Variants in TAFA1 observed in about 807,000 individuals in gnomAD.
The protein encoded by TAFA1 is TAFA chemokine like family member 1.
In TAFA1, 4 loss-of-function variants were observed where a neutral mutation model predicts 18.5. The observed-to-expected ratio is 0.22, with a 90% CI of 0.11 to 0.49. The LOEUF (loss-of-function observed/expected upper bound fraction) is 0.49. Ranked by LOEUF, TAFA1 falls within the 20% of genes least tolerant of loss-of-function variation. TAFA1 has a pLI of 0.98. For missense variants in TAFA1, 147 were observed against 169.0 expected (o/e 0.87, Z 0.72); for synonymous variants, 56 against 55.2 (o/e 1.01, Z -0.06).
At chr3:68,045,476 A>G (rs1300207830) in intron 2 of TAFA1, among the ~76,000 whole-genome samples, 1 of 152,182 alleles carries the variant, frequency 6.6e-6, no homozygotes, top group Non-Finnish European at 1.5e-5. Flanking sequence ...ATACATAGTC[A>G]GGAAATGTGG....
intron 3 of TAFA1, among the ~76,000 whole-genome samples, chr3:68,425,442 C>G (rs534136122): frequency 1.8e-3 from 270 of 152,052 alleles, no homozygotes; most frequent in African/African-American, 6.4e-3. Flanking sequence ...TTCGATTGTT[C>G]TTATTAGAAG....
At chr3:68,537,122 A>C (rs2073289274) in intron 3 of TAFA1, among the ~76,000 whole-genome samples, 1 of 152,108 alleles carries the variant, frequency 6.6e-6, no homozygotes, top group Non-Finnish European at 1.5e-5. Context: ...TGTCCCCTTC[A>C]TTGAATAGAA....
At chr3:68,513,857 A>C (rs1217123936) in intron 3 of TAFA1, among the ~76,000 whole-genome samples, 2 of 152,214 alleles carry the variant, frequency 1.3e-5, no homozygotes, top group African/African-American at 2.4e-5. Flanking sequence ...CTTTTGATCA[A>C]ACTATACAGT....
chr3:68,094,369 G>A (rs1043804476), intron 2 of TAFA1, among the ~76,000 whole-genome samples: 3 of 151,996 alleles, frequency 2.0e-5, no homozygotes, highest in African/African-American at 7.2e-5. Context: ...TAGAAGATGA[G>A]GTCCACAGGC....
intron 2 of TAFA1, among the ~76,000 whole-genome samples, chr3:68,060,038 T>C (rs1265268867): frequency 1.3e-5 from 2 of 151,878 alleles, no homozygotes; most frequent in Non-Finnish European, 2.9e-5. Context: ...CTAAAGGGGC[T>C]TGCTCCATGT....
intron 2 of TAFA1, among the ~76,000 whole-genome samples, chr3:68,338,857 C>G (rs2069023744): frequency 1.3e-5 from 2 of 152,144 alleles, no homozygotes; most frequent in South Asian, 4.1e-4. Context: ...GGTGAGTTGT[C>G]TGGAGCTTGA....
In TAFA1 at chr3:68,043,349, C is replaced by T. The variant is rs561119029; in HGVS notation, c.118+36605C>T. Among the ~76,000 whole-genome samples, 3 of 152,254 alleles carry T rather than the reference C, an allele frequency of 2.0e-5. No homozygotes were observed. The East Asian group carries it at 5.8e-4, about 29-fold the overall frequency. On this transcript the variant is annotated intron_variant, in intron 2 of 4. Transcript: ENST00000478136. ...AAAGGGACTGTTAAAATTGTCTTTG[C>T]AATAATTTATTATTTTTGTTCTTTA...
chr3:68,005,043 A>G (rs1559698514), intron 1 of TAFA1, among the ~76,000 whole-genome samples: 1 of 152,104 alleles, frequency 6.6e-6, no homozygotes, highest in Non-Finnish European at 1.5e-5. Flanking sequence ...TTTTTTTTCA[A>G]GTTTGGATGA....
At chr3:68,100,816 A>G (rs1422690074) in intron 2 of TAFA1, among the ~76,000 whole-genome samples, 1 of 152,134 alleles carries the variant, frequency 6.6e-6, no homozygotes, top group Non-Finnish European at 1.5e-5. Flanking sequence ...AGCCTAGGAA[A>G]TGATGTAGGA....
chr3:68,027,694 T>A (rs966851879), intron 2 of TAFA1, among the ~76,000 whole-genome samples: 3 of 152,188 alleles, frequency 2.0e-5, no homozygotes, highest in African/African-American at 7.2e-5. Flanking sequence ...TTTAAATTTG[T>A]CTCTGTTATT....
intron 2 of TAFA1, among the ~76,000 whole-genome samples, chr3:68,367,824 A>T (rs1319070901): frequency 6.6e-6 from 1 of 152,152 alleles, no homozygotes; most frequent in African/African-American, 2.4e-5. Flanking sequence ...GGGATATAAA[A>T]GTTCTAATAA....
intron 2 of TAFA1, among the ~76,000 whole-genome samples, chr3:68,244,492 C>T (rs1309693315): frequency 6.6e-6 from 1 of 152,086 alleles, no homozygotes; most frequent in East Asian, 1.9e-4. Context: ...TGCTCCAGCA[C>T]CATTTGTTAA....
At chr3:68,476,589 A>C (rs1301862741) in intron 3 of TAFA1, among the ~76,000 whole-genome samples, 1 of 152,194 alleles carries the variant, frequency 6.6e-6, no homozygotes, top group Non-Finnish European at 1.5e-5. Context: ...GTCATTTTTC[A>C]AGTTGACTTA....
At chr3:68,165,372 A>G (rs1437088235) in intron 2 of TAFA1, among the ~76,000 whole-genome samples, 2 of 152,214 alleles carry the variant, frequency 1.3e-5, no homozygotes, top group Non-Finnish European at 2.9e-5. Flanking sequence ...ATTTAGAGAA[A>G]GATTTCTTAG....
intron 2 of TAFA1, among the ~76,000 whole-genome samples, chr3:68,340,135 C>A (rs1240325105): frequency 6.6e-6 from 1 of 152,180 alleles, no homozygotes; most frequent in Non-Finnish European, 1.5e-5. Flanking sequence ...AAACAAGCCA[C>A]TGTGTTTTTG....
intron 2 of TAFA1, among the ~76,000 whole-genome samples, chr3:68,007,748 C>T (rs1704388595): frequency 6.8e-6 from 1 of 147,128 alleles, no homozygotes; most frequent in African/African-American, 2.7e-5. Context: ...ATGGCCTCCT[C>T]CCCCCATCCG....
chr3:68,197,857 G>A (rs1327113424), intron 2 of TAFA1, among the ~76,000 whole-genome samples: 1 of 151,648 alleles, frequency 6.6e-6, no homozygotes, highest in Non-Finnish European at 1.5e-5. Context: ...AATTGTTCCT[G>A]TATATAGGTG....
At chr3:68,407,815 T>C (rs2070639080) in intron 2 of TAFA1, among the ~76,000 whole-genome samples, 1 of 152,164 alleles carries the variant, frequency 6.6e-6, no homozygotes, top group South Asian at 2.1e-4. Flanking sequence ...CCTACTTTTT[T>C]CCTTTACATA....
intron 2 of TAFA1, among the ~76,000 whole-genome samples, chr3:68,330,136 T>C (rs2068841088): frequency 6.6e-6 from 1 of 152,228 alleles, no homozygotes; most frequent in South Asian, 2.1e-4. Context: ...ACTGGCTTTG[T>C]CCATGTATCA....
Sources: gnomAD v4.1 joint callset for allele counts (sites outside exome capture counted in the v4.1 genomes callset) on GRCh38, gnomAD v4.1.1 for gene constraint, MANE v1.5 for transcripts, NCBI Gene and HGNC (gene_info 2026-07-23, HGNC 2026-07-21) for gene names.